SLIT3: variants seen among roughly 807,000 people sequenced by gnomAD.
The protein encoded by SLIT3 is slit homolog 3 protein.
In SLIT3, 68 loss-of-function variants were observed where a neutral mutation model predicts 184.0. The ratio of observed to expected loss-of-function variants is 0.37; its 90% CI spans 0.30 to 0.45. The LOEUF (loss-of-function observed/expected upper bound fraction) is 0.45. Ranked by LOEUF, SLIT3 falls within the 20% of genes least tolerant of loss-of-function variation. SLIT3 has a pLI of 1.00. For synonymous variants in SLIT3, 831 were observed against 828.6 expected (o/e 1.00, Z -0.05); for missense variants, 1,707 against 2,026.0 (o/e 0.84, Z 3.02).
intron 14 of SLIT3, among the ~76,000 whole-genome samples, chr5:168,770,302 G>C (rs1447778545): frequency 6.6e-6 from 1 of 152,192 alleles, no homozygotes; most frequent in Non-Finnish European, 1.5e-5. Flanking sequence ...GATGTGTTAC[G>C]GAGCAGCCCT....
intron 4 of SLIT3, among the ~76,000 whole-genome samples, chr5:168,916,903 A>G (rs755132625): frequency 1.3e-5 from 2 of 152,156 alleles, no homozygotes; most frequent in Non-Finnish European, 2.9e-5. Flanking sequence ...GATTGCTGAC[A>G]ACACCAAAAT....
intron 4 of SLIT3, among the ~76,000 whole-genome samples, chr5:168,916,464 G>A (rs1004215117): frequency 9.9e-5 from 15 of 152,222 alleles, no homozygotes; most frequent in African/African-American, 3.6e-4. Context: ...CAAAGGGGCG[G>A]GGCCCTGCAG....
chr5:169,197,673 T>A (rs994452869), intron 3 of SLIT3, among the ~76,000 whole-genome samples: 1 of 152,110 alleles, frequency 6.6e-6, no homozygotes, highest in East Asian at 1.9e-4. Flanking sequence ...ATGGAACTCA[T>A]ATGAGGACAG....
At chr5:168,969,891 C>T (rs970709632) in intron 4 of SLIT3, among the ~76,000 whole-genome samples, 2 of 152,174 alleles carry the variant, frequency 1.3e-5, no homozygotes, top group African/African-American at 4.8e-5. Flanking sequence ...CTTTAAGAAG[C>T]AAAGACAAGG....
intron 1 of SLIT3, among the ~76,000 whole-genome samples, chr5:169,255,148 T>G (rs1561769474): frequency 2.6e-5 from 4 of 152,264 alleles, no homozygotes; most frequent in Admixed American, 6.5e-5. Context: ...GTACAGTACC[T>G]AATACTTGAT....
chr5:168,733,124 G>A (rs939631481), intron 20 of SLIT3, among the ~76,000 whole-genome samples: 40 of 151,460 alleles, frequency 2.6e-4, no homozygotes, highest in Non-Finnish European at 5.7e-4. Flanking sequence ...ATTAAAAAGC[G>A]GGCAAAGGAT....
intron 4 of SLIT3, among the ~76,000 whole-genome samples, chr5:168,987,839 G>A (rs1046123357): frequency 7.9e-5 from 12 of 152,206 alleles, no homozygotes; most frequent in Admixed American, 7.2e-4. Flanking sequence ...ATATATAGAT[G>A]ACTTCTTTTT....
At chr5:168,698,596 T>C (rs979972024) in intron 27 of SLIT3, among the ~76,000 whole-genome samples, 5 of 152,098 alleles carry the variant, frequency 3.3e-5, no homozygotes, top group African/African-American at 1.2e-4. Context: ...GAGAGTAAAT[T>C]TCTGGTGATT....
chr5:168,940,320 T>C (rs1252314275), intron 4 of SLIT3, among the ~76,000 whole-genome samples: 1 of 152,214 alleles, frequency 6.6e-6, no homozygotes, highest in Non-Finnish European at 1.5e-5. Flanking sequence ...CAGATGTCAC[T>C]AGTTCTTTGT....
chr5:168,773,369 A>G (rs995131348), intron 13 of SLIT3, among the ~76,000 whole-genome samples: 2 of 152,252 alleles, frequency 1.3e-5, no homozygotes, highest in Non-Finnish European at 1.5e-5. Flanking sequence ...GGTGTTCCAT[A>G]TATAGTAGCG....
chr5:168,883,771 G>A (rs934375540), intron 4 of SLIT3, among the ~76,000 whole-genome samples: 1 of 151,652 alleles, frequency 6.6e-6, no homozygotes, highest in Non-Finnish European at 1.5e-5. Context: ...TGCTGCTCAG[G>A]ACAATCTGCC....
At chr5:169,169,037 TG>T (rs34255426) in intron 4 of SLIT3, among the ~76,000 whole-genome samples, 74,539 of 149,298 alleles carry the variant, frequency 0.5, 19,310 homozygotes, top group East Asian at 0.65. Context: ...CAGCCCAGAG[TG>T]GGGGGGGGAT....
chr5:168,785,786 CATT>C, intron 12 of SLIT3, 118 bp downstream of exon 12: 2 of 729,756 alleles, frequency 2.7e-6, no homozygotes, highest in Non-Finnish European at 4.7e-6. Context: ...ACAGCTCAAA[CATT>C]TTTTTCTCTT....
chr5:168,998,893 CTGTGTGTGTGTGTGTGTG>C (rs71575505), intron 4 of SLIT3, among the ~76,000 whole-genome samples: 5 of 143,190 alleles, frequency 3.5e-5, no homozygotes, highest in Admixed American at 1.4e-4. Context: ...ACCCAGAAAT[CTGTGTGTGTGTGTGTGTG>C]TGTGTGTGTG....
At chr5:168,706,054 G>A (rs6885131) in intron 26 of SLIT3, among the ~76,000 whole-genome samples, 3,238 of 152,310 alleles carry the variant, frequency 0.021, 104 homozygotes, top group African/African-American at 0.072. Flanking sequence ...CTAGGAGAAT[G>A]ACTGAAGTTT....
chr5:169,067,108 T>C (rs1408673991), intron 4 of SLIT3, among the ~76,000 whole-genome samples: 1 of 152,172 alleles, frequency 6.6e-6, no homozygotes, highest in African/African-American at 2.4e-5. Context: ...CTTAAAAAGG[T>C]AAAGAATGAC....
rs562339024 is a variant in SLIT3, at chr5:169,092,389, T to G, written c.413+101090A>C. Among the ~76,000 whole-genome samples, 5 of 152,208 alleles carry G rather than the reference T, an allele frequency of 3.3e-5. No homozygotes were observed. The South Asian group carries it at 1.0e-3, about 32-fold the overall frequency. On this transcript the variant is annotated intron_variant, in intron 4 of 35. Transcript: ENST00000519560. The stretch of plus-strand genomic sequence containing the variant: ...AAGGACATATGGACCATAGCGGAGA[T>G]GTACCAATTCTATTCTGTTCTGTTC...
At chr5:168,779,964 C>T (rs1755908812) in intron 12 of SLIT3, among the ~76,000 whole-genome samples, 1 of 152,268 alleles carries the variant, frequency 6.6e-6, no homozygotes, top group Non-Finnish European at 1.5e-5. Flanking sequence ...CTGTTAGCTA[C>T]TGCCTTTGCT....
chr5:169,079,633 AG>A (rs1758903797), intron 4 of SLIT3, among the ~76,000 whole-genome samples: 1 of 81,600 alleles, frequency 1.2e-5, no homozygotes, highest in African/African-American at 5.0e-5. Context: ...GAAGAGGAGG[AG>A]GGAAGAGGAG....
Sources: gnomAD v4.1 joint callset for allele counts (sites outside exome capture counted in the v4.1 genomes callset) on GRCh38, gnomAD v4.1.1 for gene constraint, MANE v1.5 for transcripts, NCBI Gene and HGNC (gene_info 2026-07-23, HGNC 2026-07-21) for gene names.